The following UBR3 variants were observed in gnomAD, a reference collection of about 807,000 sequenced individuals.
UBR3 encodes E3 ubiquitin-protein ligase UBR3.
In UBR3, 85 loss-of-function variants were observed where a neutral mutation model predicts 243.2. The ratio of observed to expected loss-of-function variants is 0.35; its 90% CI spans 0.29 to 0.42. UBR3 has a LOEUF of 0.42. Among genes scored for constraint, UBR3 ranks in the 10% least tolerant of loss-of-function variants. The pLI, the probability that UBR3 is intolerant of heterozygous loss-of-function variation, is 1.00. For missense variants in UBR3, 1,686 were observed against 2,300.8 expected (o/e 0.73, Z 5.47); for synonymous variants, 748 against 799.8 (o/e 0.94, Z 1.09).
At chr2:170,031,740 T>C (rs986662025) in intron 31 of UBR3, among the ~76,000 whole-genome samples, 1 of 152,146 alleles carries the variant, frequency 6.6e-6, no homozygotes, top group African/African-American at 2.4e-5. Flanking sequence ...GAGTACCTAA[T>C]GTTTAGCCCT....
Position 169,977,234 on chromosome 2 carries a change from T to C in UBR3, c.3635-9411T>C, listed in dbSNP as rs149640274. On this transcript the variant is annotated intron_variant, in intron 24 of 38. Transcript: ENST00000272793. The stretch of plus-strand genomic sequence containing the variant: ...TGGCAATTTGTTGATTTCCTTTTCA[T>C]TTGGGTCTGTTACTAGAGAGATACG... Among the ~76,000 whole-genome samples the C allele has an allele frequency of 1.6e-3, 243 of 152,320 alleles. 2 individuals carry two copies. The highest frequency in any genetic ancestry group is 0.013 in the Admixed American group (200 of 15,296).
Position 170,008,902 on chromosome 2 carries a change from A to C in UBR3, c.4329A>C (p.Ser1443=), listed in dbSNP as rs1207531746. The C allele has an allele frequency of 6.3e-7, 1 of 1,599,128 alleles. No homozygotes were observed. The highest frequency in any genetic ancestry group is 8.5e-7 in the Non-Finnish European group (1 of 1,174,130). Residue 1443 remains serine, a synonymous_variant, in exon 29 of 39, where the codon TCA becomes TCC. Coordinates refer to ENST00000272793, the MANE Select transcript of UBR3 (RefSeq NM_172070.4). ...GAGACTATAGCAAGACCCCGGGCTCACCAGACAATGATTTTCTCTTTATGT... is the reference window on the plus strand; with the variant it reads ...GAGACTATAGCAAGACCCCGGGCTCCCCAGACAATGATTTTCTCTTTATGT... The part of the protein sequence containing the change: ...KYRDYSKTPG[S]PDNDFLFMYS...
chr2:169,888,318 T>C (rs2084192311), intron 5 of UBR3, among the ~76,000 whole-genome samples: 1 of 151,012 alleles, frequency 6.6e-6, no homozygotes. Flanking sequence ...TTTGTATTTT[T>C]AGTGGAGACG....
Position 169,895,277 on chromosome 2 carries a change from T to A in UBR3, c.1202T>A (p.Phe401Tyr). ...GAATTCCCTCAAAAGATGGTAACTT[T>A]CTTACTCAACATGCTTCCAGATCAA... ...KYEFPQKMVTFLLNMLPDQEY... is the reference protein window; with the variant it reads ...KYEFPQKMVTYLLNMLPDQEY... Residue 401 changes from phenylalanine (F) to tyrosine (Y), a missense_variant, in exon 7 of 39, where the codon TTC becomes TAC. Physicochemically the swap from Phe to Tyr is conservative, Grantham distance 22. Transcript: ENST00000272793. 1.3e-6 allele frequency: 2 copies of A among 1,545,744 alleles called. No homozygotes were observed. The highest frequency in any genetic ancestry group is 1.7e-6 in the Non-Finnish European group (2 of 1,145,544).
At chr2:169,977,882 C>T (rs2105381548) in intron 24 of UBR3, among the ~76,000 whole-genome samples, 1 of 152,292 alleles carries the variant, frequency 6.6e-6, no homozygotes, top group East Asian at 1.9e-4. Flanking sequence ...TTTCATGTTT[C>T]TTATGTCACT....
rs183101808 is a variant in UBR3, at chr2:170,081,952, A to G, written c.*109A>G. 3,738 of 764,000 alleles carry G rather than the reference A, an allele frequency of 4.9e-3. 17 individuals are homozygous for G. The highest frequency in any genetic ancestry group is 6.1e-3 in the Non-Finnish European group (3,091 of 505,664). 47.3% of individuals were successfully genotyped at this position (764,000 alleles called of 1,614,324 possible). ...TTAACACTTTTGCTGAGGGAGAAAA[A>G]GAAAACATACATTATGAAGCCTTTC... On this transcript the variant is annotated 3_prime_UTR_variant, in exon 39 of 39. Transcript: ENST00000272793.
chr2:169,846,902 T>G (rs1313595550), intron 1 of UBR3, among the ~76,000 whole-genome samples: 1 of 152,006 alleles, frequency 6.6e-6, no homozygotes, highest in Non-Finnish European at 1.5e-5. Context: ...CCAGTGAAAT[T>G]TTTGTATTTT....
chr2:170,064,089 T>G (rs952291537), intron 35 of UBR3, among the ~76,000 whole-genome samples: 1 of 152,210 alleles, frequency 6.6e-6, no homozygotes, highest in Admixed American at 6.5e-5. Flanking sequence ...TAATTTGTAT[T>G]TCTCTAATTA....
chr2:170,075,172 AAGATGCTATCTCATTTT>A lies in UBR3; in HGVS notation c.5199+1567_5199+1583del, dbSNP rs560157764. Among the ~76,000 whole-genome samples, 352 of 152,314 alleles carry A rather than the reference AAGATGCTATCTCATTTT, an allele frequency of 2.3e-3. 3 individuals carry two copies. The highest frequency in any genetic ancestry group is 0.02 in the South Asian group (99 of 4,832). On this transcript the variant is annotated intron_variant, in intron 36 of 38. Coordinates refer to ENST00000272793, the MANE Select transcript of UBR3 (RefSeq NM_172070.4). ...TCCATTTTTTGCTGAAATCCTTAAA[AAGATGCTATCTCATTTT>A]ATACCCTTTTTTTAAAAAAAAAGGG... is the stretch of plus-strand genomic sequence containing the variant.
At chr2:169,968,704 C>A (rs998047571) in intron 24 of UBR3, among the ~76,000 whole-genome samples, 1 of 152,096 alleles carries the variant, frequency 6.6e-6, no homozygotes, top group African/African-American at 2.4e-5. Flanking sequence ...GAATATATAC[C>A]CAGCACTTGG....
At chr2:170,031,364 A>C (rs2090662730) in intron 31 of UBR3, among the ~76,000 whole-genome samples, 1 of 151,936 alleles carries the variant, frequency 6.6e-6, no homozygotes, top group South Asian at 2.1e-4. Context: ...TTTTTTTGTC[A>C]AAGTTTTTTT....
chr2:169,869,076 G>A (rs1307702557), intron 1 of UBR3, among the ~76,000 whole-genome samples: 1 of 151,388 alleles, frequency 6.6e-6, no homozygotes. Context: ...ATGGAAGTTA[G>A]CTCTGGAGAC....
intron 17 of UBR3, among the ~76,000 whole-genome samples, chr2:169,927,762 T>C (rs2085964949): frequency 6.6e-6 from 1 of 152,208 alleles, no homozygotes; most frequent in Non-Finnish European, 1.5e-5. Flanking sequence ...ATGCAATTCA[T>C]GGTTAACAGT....
chr2:170,001,076 T>C (rs1446530065), intron 26 of UBR3, among the ~76,000 whole-genome samples: 1 of 152,202 alleles, frequency 6.6e-6, no homozygotes, highest in Non-Finnish European at 1.5e-5. Flanking sequence ...ATTTATTCTC[T>C]TTCATTATGA....
At chr2:169,878,503 C>T in intron 4 of UBR3, 22 bp from the exon 5 acceptor site, 3 of 1,547,358 alleles carry the variant, frequency 1.9e-6, no homozygotes, top group Non-Finnish European at 1.7e-6. Flanking sequence ...TGAAGGACAA[C>T]TATTTTTCTT....
chr2:170,016,025 C>G (rs2090225183), intron 30 of UBR3, among the ~76,000 whole-genome samples: 1 of 151,704 alleles, frequency 6.6e-6, no homozygotes. Flanking sequence ...CCCCAGATCA[C>G]TGAAGTTGAA....
chr2:170,016,288 C>G (rs1191708496), intron 30 of UBR3, among the ~76,000 whole-genome samples: 1 of 151,830 alleles, frequency 6.6e-6, no homozygotes, highest in Non-Finnish European at 1.5e-5. Context: ...GAAATTTTAA[C>G]TTGGTTATCT....
intron 35 of UBR3, among the ~76,000 whole-genome samples, chr2:170,063,309 CAG>C (rs920641626): frequency 1.3e-5 from 2 of 152,082 alleles, no homozygotes; most frequent in Non-Finnish European, 2.9e-5. Context: ...GGCAGATGCA[CAG>C]GGGATGGAAT....
chr2:169,863,841 TG>T (rs2083167107), intron 1 of UBR3, among the ~76,000 whole-genome samples: 1 of 152,056 alleles, frequency 6.6e-6, no homozygotes, highest in Non-Finnish European at 1.5e-5. Context: ...ATGGCGGAAT[TG>T]GTACAATCTA....
Sources: gnomAD v4.1 joint callset for allele counts (sites outside exome capture counted in the v4.1 genomes callset) on GRCh38, gnomAD v4.1.1 for gene constraint, MANE v1.5 for transcripts, NCBI Gene and HGNC (gene_info 2026-07-23, HGNC 2026-07-21) for gene names.